Variants in SLC35F4 observed in about 807,000 individuals in gnomAD.
SLC35F4 encodes chromosome 14 open reading frame 36.
SLC35F4 carries 24 observed loss-of-function variants against 44.2 expected under a neutral mutation model. That is an observed-to-expected ratio of 0.54 (90% CI 0.39 to 0.76). SLC35F4 has a LOEUF of 0.76. Among genes scored for constraint, SLC35F4 ranks in the 30% least tolerant of loss-of-function variants. The pLI is 0.00. For synonymous variants in SLC35F4, 238 were observed against 223.6 expected, an observed-to-expected ratio of 1.06 and a Z score of -0.57; for missense variants, 562 against 586.1, an observed-to-expected ratio of 0.96 and a Z score of 0.42.
intron 1 of SLC35F4, among the ~76,000 whole-genome samples, chr14:57,632,221 T>C (rs914105801): frequency 6.6e-6 from 1 of 152,112 alleles, no homozygotes; most frequent in African/African-American, 2.4e-5. Context: ...TAGTTTGCAG[T>C]TCTAGCAAAG....
At chr14:57,815,316 A>T (rs78847955) in intron 1 of SLC35F4, among the ~76,000 whole-genome samples, 5,307 of 152,274 alleles carry the variant, frequency 0.035, 281 homozygotes, top group African/African-American at 0.12. Context: ...TGACTCCTTG[A>T]ATTGTCGACA....
At chr14:57,583,289 G>C (rs1372793107) in intron 3 of SLC35F4, among the ~76,000 whole-genome samples, 1 of 152,200 alleles carries the variant, frequency 6.6e-6, no homozygotes, top group African/African-American at 2.4e-5. Context: ...CTTATAAGGC[G>C]ATCTGCTCCG....
intron 1 of SLC35F4, among the ~76,000 whole-genome samples, chr14:57,926,383 C>T (rs1889568999): frequency 6.6e-6 from 1 of 152,136 alleles, no homozygotes; most frequent in African/African-American, 2.4e-5. Context: ...AAGCAGATGT[C>T]ACATGGAACT....
intron 1 of SLC35F4, among the ~76,000 whole-genome samples, chr14:57,712,915 T>C (rs1183222708): frequency 6.6e-6 from 1 of 152,184 alleles, no homozygotes; most frequent in Non-Finnish European, 1.5e-5. Flanking sequence ...TTGAGGAGTT[T>C]CAGTACCCGA....
intron 1 of SLC35F4, among the ~76,000 whole-genome samples, chr14:57,922,370 T>C (rs1469314002): frequency 2.6e-5 from 4 of 152,146 alleles, no homozygotes; most frequent in Non-Finnish European, 4.4e-5. Flanking sequence ...ATTAACCAAT[T>C]ATAGAACTCT....
chr14:57,582,494 A>G (rs2069357859), intron 3 of SLC35F4, among the ~76,000 whole-genome samples: 2 of 152,148 alleles, frequency 1.3e-5, no homozygotes, highest in Admixed American at 1.3e-4. Context: ...GAGCCACTGC[A>G]CCTGGCTCTG....
chr14:57,728,905 C>A (rs929323430), intron 1 of SLC35F4, among the ~76,000 whole-genome samples: 1 of 152,122 alleles, frequency 6.6e-6, no homozygotes, highest in Non-Finnish European at 1.5e-5. Flanking sequence ...CTCCTTCATG[C>A]TCAAAGAATA....
chr14:57,604,412 C>A (rs973889027), intron 1 of SLC35F4, among the ~76,000 whole-genome samples: 1 of 152,050 alleles, frequency 6.6e-6, no homozygotes, highest in East Asian at 1.9e-4. Context: ...GGTGAAAGAT[C>A]TCTACAAGGA....
chr14:57,712,081 A>G (rs1407354131), intron 1 of SLC35F4, among the ~76,000 whole-genome samples: 1 of 152,230 alleles, frequency 6.6e-6, no homozygotes, highest in Non-Finnish European at 1.5e-5. Context: ...TGTCTCTACT[A>G]TACATTGAAA....
chr14:57,829,772 T>C (rs1407339000), intron 1 of SLC35F4, among the ~76,000 whole-genome samples: 1 of 152,148 alleles, frequency 6.6e-6, no homozygotes, highest in East Asian at 1.9e-4. Flanking sequence ...TCTGAGTCTT[T>C]TAATCCCTTC....
At chr14:57,930,429 G>T (rs1889675720) in intron 1 of SLC35F4, among the ~76,000 whole-genome samples, 1 of 152,036 alleles carries the variant, frequency 6.6e-6, no homozygotes, top group Non-Finnish European at 1.5e-5. Context: ...GTTGCTCATT[G>T]TCTCTGACTC....
Position 57,564,166 on chromosome 14 carries a change from G to C in SLC35F4, c.1427C>G (p.Ala476Gly). Residue 476 changes from alanine to glycine, a missense_variant, in exon 8 of 8, where the codon GCC becomes GGC. Ala to Gly is a moderately conservative substitution (Grantham distance 60). Transcript: ENST00000556826. ...CAGTGGTATAGACACTGTCCCATTG[G>C]CTCTGCCTCTGCCCCGCAGGTGTAT... ...PSIHLRGRGR[A>G]NGTVSIPLA 6.2e-7 allele frequency: 1 copy of C among 1,613,634 alleles called. No individual in the cohort carries two copies. The highest frequency in any genetic ancestry group is 8.5e-7 in the Non-Finnish European group (1 of 1,179,818).
intron 1 of SLC35F4, among the ~76,000 whole-genome samples, chr14:57,689,478 G>A (rs111553009): frequency 6.4e-4 from 97 of 152,126 alleles, no homozygotes; most frequent in African/African-American, 2.1e-3. Context: ...AGAGCAGGAA[G>A]AACAAAAAAA....
intron 1 of SLC35F4, among the ~76,000 whole-genome samples, chr14:57,850,270 A>G (rs1886437627): frequency 6.6e-6 from 1 of 152,228 alleles, no homozygotes; most frequent in Non-Finnish European, 1.5e-5. Flanking sequence ...TTTGCACATT[A>G]ATATGACTTG....
chr14:57,729,911 C>T (rs1384192500), intron 1 of SLC35F4, among the ~76,000 whole-genome samples: 1 of 152,234 alleles, frequency 6.6e-6, no homozygotes, highest in Admixed American at 6.5e-5. Flanking sequence ...TCTCCTCTCA[C>T]TAGAGCTGGT....
At chr14:57,674,436 A>T (rs2074622771) in intron 1 of SLC35F4, among the ~76,000 whole-genome samples, 1 of 152,188 alleles carries the variant, frequency 6.6e-6, no homozygotes, top group Admixed American at 6.5e-5. Flanking sequence ...CAGCAGCTTT[A>T]TTTATAACAG....
intron 1 of SLC35F4, among the ~76,000 whole-genome samples, chr14:57,862,819 A>G (rs1403223506): frequency 6.6e-6 from 1 of 152,222 alleles, no homozygotes; most frequent in African/African-American, 2.4e-5. Flanking sequence ...TATCACCTTG[A>G]AACATACTAA....
chr14:57,673,118 A>G (rs2074575070), intron 1 of SLC35F4, among the ~76,000 whole-genome samples: 1 of 152,160 alleles, frequency 6.6e-6, no homozygotes, highest in Non-Finnish European at 1.5e-5. Context: ...ACTAAATTAT[A>G]TGAAGATTAT....
rs558098214 is a variant in SLC35F4 at position 57,741,352 on chromosome 14, G to C, written c.103+124371C>G. Among the ~76,000 whole-genome samples the C allele has an allele frequency of 9.9e-5, 15 of 152,202 alleles. No individual in the cohort carries two copies. In the East Asian group the frequency reaches 2.3e-3, roughly 24 times the overall value. On this transcript the variant is annotated intron_variant, in intron 1 of 7. Transcript: ENST00000556826. ...AGCTAAAAACCTTGAAAAAAGATTA[G>C]ACAAATGACTAACTAGAATAAACAG...
Sources: gnomAD v4.1 joint callset for allele counts (sites outside exome capture counted in the v4.1 genomes callset) on GRCh38, gnomAD v4.1.1 for gene constraint, MANE v1.5 for transcripts, NCBI Gene and HGNC (gene_info 2026-07-23, HGNC 2026-07-21) for gene names.